The following MRC2 variants were observed in gnomAD, a reference collection of about 807,000 sequenced individuals.
The protein encoded by MRC2 is C-type mannose receptor 2.
MRC2 carries 84 observed loss-of-function variants against 206.2 expected under a neutral mutation model. The ratio of observed to expected loss-of-function variants is 0.41; its 90% CI spans 0.34 to 0.49. MRC2 has a LOEUF of 0.49. MRC2 is among the 20% of genes least tolerant of loss of function. The pLI is 0.31. For missense variants in MRC2, 1,676 were observed against 2,001.5 expected, an observed-to-expected ratio of 0.84 and a Z score of 3.10; for synonymous variants, 798 against 800.0, an observed-to-expected ratio of 1.00 and a Z score of 0.04.
Position 62,666,221 on chromosome 17 carries a change from C to A in MRC2, c.648C>A (p.Thr216=). ...REDGHLWCAT[T]QDYGKDERWG... ...ATGGTCACCTGTGGTGTGCCACCAC[C>A]CAGGACTACGGCAAAGACGAGCGCT... The change falls in exon 3 of 30, where the codon ACC becomes ACA. Residue 216 remains threonine (T), a synonymous_variant. Coordinates refer to ENST00000303375, the MANE Select transcript of MRC2 (RefSeq NM_006039.5). This position sits in a 1 kb window ranked among gnomAD's most constrained non-coding sequence, Gnocchi z 5.0. 6.2e-7 allele frequency: 1 copy of A among 1,602,542 alleles called. No individual in the cohort carries two copies. The highest frequency in any genetic ancestry group is 8.5e-7 in the Non-Finnish European group (1 of 1,174,874).
chr17:62,677,134 C>G (rs2088902769), intron 11 of MRC2, 135 bp from the exon 12 acceptor site: 2 of 701,094 alleles, frequency 2.9e-6, no homozygotes, highest in South Asian at 4.2e-5. Context: ...GCTCCAACCC[C>G]AGAGAGCATG....
intron 13 of MRC2, 140 bp downstream of exon 13, chr17:62,678,786 C>T: frequency 1.6e-6 from 2 of 1,239,752 alleles, no homozygotes; most frequent in Non-Finnish European, 2.2e-6. Context: ...GCATCTGCTG[C>T]TGGTGCCAGG....
chr17:62,681,416 C>T (rs1281761395), intron 18 of MRC2: 1 of 533,634 alleles, frequency 1.9e-6, no homozygotes, highest in Non-Finnish European at 3.3e-6. Flanking sequence ...CGTCTGGTGT[C>T]ATTCATCATG....
At position 62,688,639 on chromosome 17, in the gene MRC2, G is replaced by T. The variant is rs747114767; in HGVS notation, c.3200G>T (p.Ser1067Ile). 1 of 1,613,988 alleles carries T rather than the reference G, an allele frequency of 6.2e-7. No homozygotes were observed. Among genetic ancestry groups the T allele is most frequent in the East Asian group, 2.2e-5 (1 of 44,870 alleles). Residue 1067 changes from serine to isoleucine, a missense_variant, in exon 22 of 30, where the codon AGC (serine) becomes ATC (isoleucine). Ser to Ile is a moderately radical substitution (Grantham distance 142). This residue lies in a region of MRC2 where 1,354 missense variants were observed against 1,636.6 expected (regional missense o/e 0.83). Coordinates refer to ENST00000303375, the MANE Select transcript of MRC2 (RefSeq NM_006039.5). Reference sequence around the variant, plus strand: ...GCACCTGGGGAGCCCTCTGGCCCTAGCCCTGCTCCCAGTGGCAACAAACCG... The same window carrying T: ...GCACCTGGGGAGCCCTCTGGCCCTATCCCTGCTCCCAGTGGCAACAAACCG... ...NWAPGEPSGPSPAPSGNKPTS... is the reference protein window; with the variant it reads ...NWAPGEPSGPIPAPSGNKPTS...
In MRC2 at chr17:62,634,306, A is replaced by T. The variant is rs1169732593; in HGVS notation, c.118+6386A>T. ...TGGGCAGTGAGAATGACCACAAGTC[A>T]TTTTTTTTTTTTGAGATGGAGTCTC... On this transcript the variant is annotated intron_variant, in intron 1 of 29. Coordinates refer to ENST00000303375, the MANE Select transcript of MRC2 (RefSeq NM_006039.5). 6.8e-5 allele frequency among the ~76,000 whole-genome samples: 10 copies of T among 146,516 alleles called. No homozygotes were observed. The South Asian group carries it at 1.3e-3, about 19-fold the overall frequency.
intron 23 of MRC2, chr17:62,689,319 C>T (rs1280434843): frequency 3.4e-6 from 2 of 581,334 alleles, no homozygotes; most frequent in Non-Finnish European, 6.1e-6. Flanking sequence ...GAGGTCAAGG[C>T]CCTCACCTCC....
chr17:62,682,153 G>T, intron 19 of MRC2, 82 bp from the exon 20 acceptor site: 1 of 1,403,502 alleles, frequency 7.1e-7, no homozygotes, highest in Non-Finnish European at 9.5e-7. Flanking sequence ...CTCCTCTCAG[G>T]GCATGAGGCT....
chr17:62,677,746 G>A (rs942013193), intron 12 of MRC2, among the ~76,000 whole-genome samples: 1 of 152,154 alleles, frequency 6.6e-6, no homozygotes, highest in African/African-American at 2.4e-5. Flanking sequence ...AATTGCTTGG[G>A]GAACCTGATA....
chr17:62,646,169 C>T (rs905746913), intron 1 of MRC2, among the ~76,000 whole-genome samples: 8 of 151,924 alleles, frequency 5.3e-5, no homozygotes, highest in Admixed American at 2.0e-4. Flanking sequence ...GGACTACAGG[C>T]GCCTGCCACC....
intron 1 of MRC2, among the ~76,000 whole-genome samples, chr17:62,628,765 A>G (rs1425736684): frequency 6.6e-6 from 1 of 151,868 alleles, no homozygotes; most frequent in Non-Finnish European, 1.5e-5. Flanking sequence ...GGACAGACAG[A>G]TCCCTCGCCA....
chr17:62,637,305 G>A (rs1350008466), intron 1 of MRC2, among the ~76,000 whole-genome samples: 2 of 152,210 alleles, frequency 1.3e-5, no homozygotes, highest in Non-Finnish European at 2.9e-5. Context: ...GGAGGCTGAG[G>A]CAGGTGGATC....
Position 62,688,545 on chromosome 17 carries a change from A to T in MRC2, c.3106A>T (p.Ile1036Phe). 1 of 1,614,206 alleles carries T rather than the reference A, an allele frequency of 6.2e-7. No homozygotes were observed. Among genetic ancestry groups the T allele is most frequent in the Non-Finnish European group, 8.5e-7 (1 of 1,180,042 alleles). The change falls in exon 22 of 30, where the codon ATT becomes TTT. Residue 1036 changes from isoleucine to phenylalanine, a missense_variant. By Grantham distance (21) the Ile-to-Phe change is conservative. Coordinates refer to ENST00000303375, the MANE Select transcript of MRC2 (RefSeq NM_006039.5). ...SLPNVTFDLW[I>F]GLHASQRDFQ... ...GCCCAATGTGACCTTTGACCTTTGG[A>T]TTGGCCTCCATGCCTCGCAGAGGGA...
intron 1 of MRC2, among the ~76,000 whole-genome samples, chr17:62,632,598 C>T (rs2147424575): frequency 6.6e-6 from 1 of 152,298 alleles, no homozygotes; most frequent in East Asian, 1.9e-4. Context: ...GATCACTTTG[C>T]CTGGTGTGCC....
intron 12 of MRC2, 60 bp downstream of exon 12, chr17:62,677,546 T>G: frequency 2.8e-6 from 4 of 1,436,046 alleles, no homozygotes; most frequent in African/African-American, 1.4e-5. Flanking sequence ...AGAGACAGTT[T>G]GGATGGAGGT....
chr17:62,653,217 A>T (rs1005183611), intron 1 of MRC2, among the ~76,000 whole-genome samples: 5 of 152,112 alleles, frequency 3.3e-5, no homozygotes, highest in African/African-American at 4.8e-5. Flanking sequence ...GGCCGAAAAT[A>T]CTGTGATGCT....
At chr17:62,629,120 A>G (rs1326135777) in intron 1 of MRC2, among the ~76,000 whole-genome samples, 1 of 152,240 alleles carries the variant, frequency 6.6e-6, no homozygotes, top group Non-Finnish European at 1.5e-5. Context: ...AATGTGGGAC[A>G]GACACAAACC....
chr17:62,674,015 T>C (rs1165321949), intron 8 of MRC2, 48 bp from the exon 9 acceptor site: 24 of 1,389,742 alleles, frequency 1.7e-5, no homozygotes, highest in Non-Finnish European at 1.9e-5. Flanking sequence ...ATTTGGGAGA[T>C]TTATGGGGAG....
chr17:62,655,830 A>G (rs973505430), intron 1 of MRC2, among the ~76,000 whole-genome samples: 3 of 152,002 alleles, frequency 2.0e-5, no homozygotes, highest in Non-Finnish European at 4.4e-5. Flanking sequence ...TTCACCCCCA[A>G]CCGTGCAGAC....
At chr17:62,677,678 C>T (rs2088911337) in intron 12 of MRC2, among the ~76,000 whole-genome samples, 192 bp downstream of exon 12, 1 of 152,200 alleles carries the variant, frequency 6.6e-6, no homozygotes, top group Admixed American at 6.5e-5. Flanking sequence ...TTGAGGGAAC[C>T]ACAGATCATT....
Sources: allele counts gnomAD v4.1 joint callset (sites outside exome capture counted in the v4.1 genomes callset), GRCh38; gene constraint gnomAD v4.1.1; regional missense constraint gnomAD v4.1.1; non-coding constraint Gnocchi (gnomAD v3.1); transcripts MANE v1.5; gene names NCBI Gene and HGNC (gene_info 2026-07-23, HGNC 2026-07-21).